MRPL42: variants seen among roughly 807,000 people sequenced by gnomAD.
MRPL42 encodes large ribosomal subunit protein mL42.
A neutral mutation model predicts 17.9 loss-of-function variants in MRPL42; 17 were observed. The observed-to-expected ratio is 0.95, with a 90% CI of 0.65 to 1.42. The LOEUF (loss-of-function observed/expected upper bound fraction) is 1.42, where lower values mean the gene tolerates loss of function less well. Ranked by LOEUF, MRPL42 falls within the 40% of genes most tolerant of loss-of-function variation. The pLI, the probability that MRPL42 is intolerant of heterozygous loss-of-function variation, is 0.00. For synonymous variants in MRPL42, 59 were observed against 54.4 expected, an observed-to-expected ratio of 1.08 and a Z score of -0.37; for missense variants, 177 against 175.2, an observed-to-expected ratio of 1.01 and a Z score of -0.06.
At chr12:93,476,236 G>A (rs1880168437) in intron 2 of MRPL42, among the ~76,000 whole-genome samples, 1 of 151,962 alleles carries the variant, frequency 6.6e-6, no homozygotes, top group South Asian at 2.1e-4. Context: ...GCACAGGCTG[G>A]AGTGCAATAG....
At chr12:93,474,459 C>T (rs1880064972) in intron 2 of MRPL42, among the ~76,000 whole-genome samples, 1 of 151,452 alleles carries the variant, frequency 6.6e-6, no homozygotes, top group Non-Finnish European at 1.5e-5. Context: ...TTTTTAGAAA[C>T]GATTTTGCTC....
chr12:93,470,578 T>TAG, intron 2 of MRPL42: 1 of 1,253,254 alleles, frequency 8.0e-7, no homozygotes, highest in Non-Finnish European at 1.0e-6. Context: ...ATAGTGAACA[T>TAG]AGTACCCAAT....
intron 3 of MRPL42, 87 bp downstream of exon 3, chr12:93,477,104 C>T (rs1880220124): frequency 1.1e-6 from 1 of 951,352 alleles, no homozygotes; most frequent in Non-Finnish European, 1.6e-6. Flanking sequence ...ATGTCTGATG[C>T]TTTCTTTTCT....
At chr12:93,471,654 ACT>A (rs1345018089) in intron 2 of MRPL42, among the ~76,000 whole-genome samples, 10 of 151,732 alleles carry the variant, frequency 6.6e-5, no homozygotes, top group Non-Finnish European at 1.0e-4. Flanking sequence ...TGCTTGCCCC[ACT>A]CTCCCATTTT....
At chr12:93,478,038 C>T (rs1172551880) in intron 3 of MRPL42, among the ~76,000 whole-genome samples, 1 of 152,112 alleles carries the variant, frequency 6.6e-6, no homozygotes, top group Non-Finnish European at 1.5e-5. Flanking sequence ...CTCACTGCAG[C>T]CTCAACTTCT....
rs184982901 is a variant in MRPL42 at position 93,496,806 on chromosome 12, T to C, written c.384-4370T>C. On this transcript the variant is annotated intron_variant, in intron 5 of 5. Coordinates refer to ENST00000549982, the MANE Select transcript of MRPL42 (RefSeq NM_014050.4). Reference sequence around the variant, plus strand: ...CAACAGATTCTCAGAGACTATTTTTTTTGGGGGGGTTTGGGGGCGGGTGGG... The same window carrying C: ...CAACAGATTCTCAGAGACTATTTTTCTTGGGGGGGTTTGGGGGCGGGTGGG... Among the ~76,000 whole-genome samples the C allele has an allele frequency of 1.7e-3, 262 of 151,420 alleles. 2 individuals are homozygous for C. The highest frequency in any genetic ancestry group is 6.2e-3 in the African/African-American group (255 of 41,292).
chr12:93,494,218 C>G (rs1470297830), intron 5 of MRPL42, among the ~76,000 whole-genome samples: 1 of 151,438 alleles, frequency 6.6e-6, no homozygotes, highest in African/African-American at 2.4e-5. Context: ...TTACAAGAAC[C>G]AAGGGAAGTG....
At chr12:93,480,471 G>A (rs916603079) in intron 4 of MRPL42, among the ~76,000 whole-genome samples, 23 of 151,468 alleles carry the variant, frequency 1.5e-4, no homozygotes, top group African/African-American at 5.6e-4. Flanking sequence ...ATCACATGAT[G>A]TATTTAGTGG....
intron 2 of MRPL42, among the ~76,000 whole-genome samples, chr12:93,471,248 C>A (rs951830969): frequency 8.5e-5 from 13 of 152,286 alleles, no homozygotes; most frequent in Admixed American, 7.2e-4. Context: ...ACTGCAACTT[C>A]TGCCTCCCAG....
At chr12:93,475,652 CT>C (rs1454642858) in intron 2 of MRPL42, among the ~76,000 whole-genome samples, 1 of 151,956 alleles carries the variant, frequency 6.6e-6, no homozygotes, top group African/African-American at 2.4e-5. Flanking sequence ...AAAGAATACC[CT>C]TTTTTGAACA....
chr12:93,486,395 AGTGCAATG>A (rs1880742107), intron 4 of MRPL42, among the ~76,000 whole-genome samples: 1 of 151,950 alleles, frequency 6.6e-6, no homozygotes, highest in African/African-American at 2.4e-5. Context: ...CCCAGGCTGG[AGTGCAATG>A]GTGCAATCTT....
chr12:93,496,801 T>A (rs901389760), intron 5 of MRPL42, among the ~76,000 whole-genome samples: 15 of 150,356 alleles, frequency 1.0e-4, no homozygotes, highest in African/African-American at 3.7e-4. Context: ...TCAGAGACTA[T>A]TTTTTTTGGG....
intron 5 of MRPL42, 138 bp downstream of exon 5, chr12:93,487,798 CTT>C: frequency 3.0e-6 from 2 of 670,002 alleles, no homozygotes; most frequent in Non-Finnish European, 2.4e-6. Flanking sequence ...CTATGTTGTA[CTT>C]TTTTTTTCTT....
At chr12:93,483,475 A>G (rs554826722) in intron 4 of MRPL42, among the ~76,000 whole-genome samples, 38 of 152,324 alleles carry the variant, frequency 2.5e-4, no homozygotes, top group Admixed American at 7.8e-4. Flanking sequence ...AGTGAATACT[A>G]TAGGCAATTG....
At chr12:93,489,524 C>CTTAT (rs10657140) in intron 5 of MRPL42, among the ~76,000 whole-genome samples, 101,111 of 151,002 alleles carry the variant, frequency 0.67, 34,088 homozygotes, top group Middle Eastern at 0.72. Flanking sequence ...ATTTTTCCTT[C>CTTAT]TTATTTTATT....
In MRPL42 at chr12:93,503,246, C is replaced by T. The variant is rs1336065622; in HGVS notation, c.*2025C>T. ...CACCCAGGGCTTAATTTGAACATCTCGCCCAAAAGTGACTTTTAAAAGCAC... is the reference window on the plus strand; with the variant it reads ...CACCCAGGGCTTAATTTGAACATCTTGCCCAAAAGTGACTTTTAAAAGCAC... On this transcript the variant is annotated 3_prime_UTR_variant, in exon 6 of 6. Transcript: ENST00000549982. The T allele has an allele frequency of 1.3e-5, 2 of 152,160 alleles. No homozygotes were observed. The highest frequency in any genetic ancestry group is 2.9e-5 in the Non-Finnish European group (2 of 68,040). 9.4% of individuals were successfully genotyped at this position (152,160 alleles called of 1,614,324 possible). A position where few individuals can be genotyped will look rare whatever the true frequency, so the allele number is the denominator to read the frequency against.
rs1425311434 is a variant in MRPL42 at position 93,507,291 on chromosome 12, T to G, written c.*6070T>G. 2 of 152,222 alleles carry G rather than the reference T, an allele frequency of 1.3e-5. No homozygotes were observed. 9.4% of individuals were successfully genotyped at this position (152,222 alleles called of 1,614,324 possible). A position where few individuals can be genotyped will look rare whatever the true frequency, so the allele number is the denominator to read the frequency against. On this transcript the variant is annotated 3_prime_UTR_variant, in exon 6 of 6. Transcript: ENST00000549982. Reference sequence around the variant, plus strand: ...TTGTTTCCTTGTTCCAGTTATGCATTCAGAGACACTCCACCTTATTTTCTG... The same window carrying G: ...TTGTTTCCTTGTTCCAGTTATGCATGCAGAGACACTCCACCTTATTTTCTG...
chr12:93,475,811 G>T (rs1382010458), intron 2 of MRPL42, among the ~76,000 whole-genome samples: 2 of 151,738 alleles, frequency 1.3e-5, no homozygotes, highest in Non-Finnish European at 2.9e-5. Context: ...GGCGAACCCC[G>T]TCTCTACTAA....
Position 93,479,422 on chromosome 12 carries a change from A to G in MRPL42, c.169A>G (p.Thr57Ala), listed in dbSNP as rs778704515. 6 of 1,611,986 alleles carry G rather than the reference A, an allele frequency of 3.7e-6. No individual in the cohort carries two copies. The East Asian group carries it at 6.7e-5, about 18-fold the overall frequency. The change falls in exon 4 of 6, where the codon ACA becomes GCA. Residue 57 changes from threonine to alanine, a missense_variant. By Grantham distance (58) the Thr-to-Ala change is moderately conservative. Coordinates refer to ENST00000549982, the MANE Select transcript of MRPL42 (RefSeq NM_014050.4). ...VELALTSDGRTIVCYHPSVDI... is the reference protein window; with the variant it reads ...VELALTSDGRAIVCYHPSVDI... Reference sequence around the variant, plus strand: ...GCTTGCTCTGACTTCTGATGGCAGGACAATAGTATGCTACCACCCTTCTGT... The same window carrying G: ...GCTTGCTCTGACTTCTGATGGCAGGGCAATAGTATGCTACCACCCTTCTGT...
Sources: allele counts gnomAD v4.1 joint callset (sites outside exome capture counted in the v4.1 genomes callset), GRCh38; gene constraint gnomAD v4.1.1; transcripts MANE v1.5; gene names NCBI Gene and HGNC (gene_info 2026-07-23, HGNC 2026-07-21).